CLVS1: variants seen among roughly 807,000 people sequenced by gnomAD.
CLVS1 encodes the protein clavesin-1.
Under a neutral mutation model 33.1 loss-of-function variants are expected in CLVS1, and 10 were observed. The observed-to-expected ratio is 0.30, with a 90% CI of 0.19 to 0.51. The LOEUF (loss-of-function observed/expected upper bound fraction) is 0.51. Ranked by LOEUF, CLVS1 falls within the 20% of genes least tolerant of loss-of-function variation. The pLI is 0.97. For synonymous variants in CLVS1, 163 were observed against 166.1 expected (o/e 0.98, Z 0.14); for missense variants, 343 against 433.4 (o/e 0.79, Z 1.85).
In CLVS1 at chr8:61,064,694, C is replaced by T. The variant is rs13267112; in HGVS notation, c.-243+7464C>T. 8.8e-3 allele frequency among the ~76,000 whole-genome samples: 1,345 copies of T among 151,984 alleles called. 9 individuals are homozygous for T. Among genetic ancestry groups the T allele is most frequent in the Non-Finnish European group, 0.013 (908 of 67,940 alleles). ...TAGCTGGGATTACAGGTGCCTGCCACCACGTCCAGCTAATTTTTTTTTTTT... is the reference window on the plus strand; with the variant it reads ...TAGCTGGGATTACAGGTGCCTGCCATCACGTCCAGCTAATTTTTTTTTTTT... On this transcript the variant is annotated intron_variant, in intron 1 of 2. Coordinates refer to the CLVS1 transcript ENST00000522621.
chr8:61,177,580 C>T (rs1563432522), intron 2 of CLVS1, among the ~76,000 whole-genome samples: 2 of 152,250 alleles, frequency 1.3e-5, no homozygotes, highest in South Asian at 2.1e-4. Context: ...AGCTTTCCTA[C>T]TGGCATCAAG....
At chr8:60,984,900 C>T in the CLVS1 span, among the ~76,000 whole-genome samples, 1 of 152,130 alleles carries the variant, frequency 6.6e-6, no homozygotes, top group African/African-American at 2.4e-5. Context: ...TCCCAAATCC[C>T]TCCTCTTAAC....
chr8:61,415,185 C>A (rs1585938516), intron 3 of CLVS1, among the ~76,000 whole-genome samples: 1 of 152,356 alleles, frequency 6.6e-6, no homozygotes, highest in Middle Eastern at 3.4e-3. Context: ...CTCTCACAGG[C>A]TTCGTTACTT....
chr8:60,995,017 A>G, the CLVS1 span, among the ~76,000 whole-genome samples: 5 of 152,080 alleles, frequency 3.3e-5, no homozygotes, highest in Middle Eastern at 3.2e-3. Context: ...TCAATTCAAG[A>G]TGGATTAAAG....
intron 2 of CLVS1, among the ~76,000 whole-genome samples, chr8:61,265,016 T>G (rs1201684317): frequency 6.6e-6 from 1 of 152,202 alleles, no homozygotes; most frequent in Non-Finnish European, 1.5e-5. Context: ...GAGTTTCCCT[T>G]GAAGGAACTC....
At chr8:61,225,145 C>G (rs530176762) in intron 2 of CLVS1, among the ~76,000 whole-genome samples, 1 of 151,868 alleles carries the variant, frequency 6.6e-6, no homozygotes, top group African/African-American at 2.4e-5. Context: ...GGTGAAGCCC[C>G]ATTTCTACTA....
At chr8:61,471,827 A>G (rs1034583200) in intron 5 of CLVS1, among the ~76,000 whole-genome samples, 10 of 152,152 alleles carry the variant, frequency 6.6e-5, no homozygotes, top group Admixed American at 1.3e-4. Flanking sequence ...CCAGCCCTCA[A>G]ATCTAAACTG....
In CLVS1 at chr8:61,458,508, C is replaced by G. The variant is rs764603864; in HGVS notation, c.943C>G (p.Leu315Val). The change falls in exon 5 of 6, where the codon CTG becomes GTG. Residue 315 changes from leucine to valine, a missense_variant. Physicochemically the swap from Leu to Val is conservative, Grantham distance 32 (BLOSUM62 1). This residue lies in a region of CLVS1 where 86 missense variants were observed against 95.0 expected (regional missense o/e 0.91). Coordinates refer to ENST00000325897, the MANE Select transcript of CLVS1 (RefSeq NM_173519.3). Reference protein sequence around the residue: ...AMHVKHTSSNLERECSPKLMK... With the variant: ...AMHVKHTSSNVERECSPKLMK... ...GCACGTGAAGCATACGTCCTCGAAT[C>G]TGGAGAGAGAATGCTCACCCAAGCT... 1.2e-6 allele frequency: 2 copies of G among 1,612,610 alleles called. No homozygotes were observed. Among genetic ancestry groups the G allele is most frequent in the Non-Finnish European group, 1.7e-6 (2 of 1,179,360 alleles).
chr8:61,102,317 T>C (rs919339778), intron 1 of CLVS1, among the ~76,000 whole-genome samples: 1 of 152,212 alleles, frequency 6.6e-6, no homozygotes, highest in African/African-American at 2.4e-5. Flanking sequence ...GTTTTACCCA[T>C]ATTTTGTTAA....
At chr8:61,009,928 C>T in the CLVS1 span, among the ~76,000 whole-genome samples, 11 of 152,222 alleles carry the variant, frequency 7.2e-5, no homozygotes, top group Non-Finnish European at 4.4e-5. Flanking sequence ...TACAACACAG[C>T]AACCCTGGCC....
At chr8:61,010,434 A>G in the CLVS1 span, among the ~76,000 whole-genome samples, 2 of 152,266 alleles carry the variant, frequency 1.3e-5, no homozygotes, top group South Asian at 2.1e-4. Context: ...TGTATGGGAT[A>G]CACTTATACT....
chr8:61,404,607 A>T (rs1314800046), intron 3 of CLVS1, among the ~76,000 whole-genome samples: 1 of 152,208 alleles, frequency 6.6e-6, no homozygotes, highest in Non-Finnish European at 1.5e-5. Flanking sequence ...AAAGCCCCTT[A>T]AAGCTGCTAA....
intron 2 of CLVS1, among the ~76,000 whole-genome samples, chr8:61,361,689 C>T (rs779056329): frequency 2.6e-5 from 4 of 152,174 alleles, no homozygotes; most frequent in Non-Finnish European, 5.9e-5. Flanking sequence ...ATCTCATCCA[C>T]CATGTTTCTA....
At chr8:61,382,760 ATGC>A (rs943283559) in intron 3 of CLVS1, among the ~76,000 whole-genome samples, 5 of 152,196 alleles carry the variant, frequency 3.3e-5, no homozygotes, top group East Asian at 3.9e-4. Flanking sequence ...CTTCCAGGAG[ATGC>A]TGCTGCTGCT....
intron 2 of CLVS1, among the ~76,000 whole-genome samples, chr8:61,264,351 C>A (rs1219177560): frequency 6.6e-6 from 1 of 152,046 alleles, no homozygotes; most frequent in Non-Finnish European, 1.5e-5. Context: ...GATATGCACA[C>A]CGAAGATTGC....
At chr8:61,057,886 G>A (rs1804507716) in intron 1 of CLVS1, among the ~76,000 whole-genome samples, 1 of 152,204 alleles carries the variant, frequency 6.6e-6, no homozygotes, top group Non-Finnish European at 1.5e-5. Flanking sequence ...CTCGTGGGCT[G>A]TGCTGTAAGG....
intron 2 of CLVS1, among the ~76,000 whole-genome samples, chr8:61,321,510 C>A (rs1415357281): frequency 6.6e-6 from 1 of 151,728 alleles, no homozygotes; most frequent in African/African-American, 2.4e-5. Context: ...GGTTGTTATT[C>A]TGACATTTTG....
intron 3 of CLVS1, among the ~76,000 whole-genome samples, chr8:61,446,743 T>C (rs1226736077): frequency 6.6e-6 from 1 of 152,030 alleles, no homozygotes; most frequent in Non-Finnish European, 1.5e-5. Flanking sequence ...TCAACATGAG[T>C]TTCAAGGGAG....
intron 2 of CLVS1, among the ~76,000 whole-genome samples, chr8:61,267,282 T>TA (rs138898113): frequency 1.4e-4 from 22 of 151,784 alleles, no homozygotes; most frequent in Non-Finnish European, 2.4e-4. Context: ...TTATTATTAT[T>TA]TTTTAAGTTT....
Sources: allele counts gnomAD v4.1 joint callset (sites outside exome capture counted in the v4.1 genomes callset), GRCh38; gene constraint gnomAD v4.1.1; regional missense constraint gnomAD v4.1.1; transcripts MANE v1.5; gene names NCBI Gene and HGNC (gene_info 2026-07-23, HGNC 2026-07-21).